The following C14orf132 variants were observed in gnomAD, a reference collection of about 807,000 sequenced individuals.
C14orf132 encodes the protein uncharacterized protein C14orf132.
In C14orf132, 6 loss-of-function variants were observed where a neutral mutation model predicts 5.8. That is an observed-to-expected ratio of 1.03 (90% CI 0.57 to 2.04). The LOEUF (loss-of-function observed/expected upper bound fraction) is 2.04. C14orf132 is among the 30% of genes most tolerant of loss of function. The pLI is 0.00. For synonymous variants in C14orf132, 51 were observed against 49.8 expected, an observed-to-expected ratio of 1.02 and a Z score of -0.10; for missense variants, 125 against 115.8, an observed-to-expected ratio of 1.08 and a Z score of -0.37.
chr14:96,041,218 C>T lies in C14orf132; in HGVS notation c.27+1691C>T, dbSNP rs138318288. 2.5e-4 allele frequency among the ~76,000 whole-genome samples: 38 copies of T among 151,880 alleles called. No individual in the cohort carries two copies. In the East Asian group the frequency reaches 3.5e-3, roughly 14 times the overall value. On this transcript the variant is annotated intron_variant, in intron 1 of 1. Coordinates refer to ENST00000555004, the MANE Select transcript of C14orf132 (RefSeq NM_001252507.3). ...GAAGTACCACACATATGAGAACAGA[C>T]GCTAAGGTTTGTTGAGCACCTACTA...
chr14:96,040,315 C>T, intron 1 of C14orf132: 1 of 398,614 alleles, frequency 2.5e-6, no homozygotes, highest in Non-Finnish European at 4.4e-6. Flanking sequence ...GTCTGTGACC[C>T]TAGAGAAGAC....
intron 1 of C14orf132, among the ~76,000 whole-genome samples, chr14:96,051,665 C>A (rs535754381): frequency 6.6e-6 from 1 of 152,176 alleles, no homozygotes; most frequent in Non-Finnish European, 1.5e-5. Context: ...TCTTAGCAGC[C>A]CTTCCTGCAT....
chr14:96,049,653 T>TATACGTATATATATATAGAG (rs371381526), intron 1 of C14orf132, among the ~76,000 whole-genome samples: 4 of 82,278 alleles, frequency 4.9e-5, no homozygotes, highest in African/African-American at 1.8e-4. Flanking sequence ...TATATATATA[T>TATACGTATATATATATAGAG]AGAGAGAGAG....
At position 96,093,831 on chromosome 14, in the gene C14orf132, T is replaced by C. The variant is rs1271761623; in HGVS notation, c.*7096T>C. On this transcript the variant is annotated 3_prime_UTR_variant, in exon 2 of 2. Transcript: ENST00000555004. ...TCTGTGAAATCTCACTTTGTTAGCG[T>C]TGCTGCTGTTGTCATTTTCTATTAT... 2 of 152,222 alleles carry C rather than the reference T, an allele frequency of 1.3e-5. No individual in the cohort carries two copies. Among genetic ancestry groups the C allele is most frequent in the Non-Finnish European group, 1.5e-5 (1 of 68,046 alleles). 9.4% of individuals were successfully genotyped at this position (152,222 alleles called of 1,614,324 possible). A position where few individuals can be genotyped will look rare whatever the true frequency, so the allele number is the denominator to read the frequency against.
rs1165711183 is a variant in C14orf132 at position 96,087,050 on chromosome 14, A to T, written c.*315A>T. ...GATGAGACAGCTAGTTAAGTTTAAA[A>T]CATAGACATGATTTGATGATCGCTT... On this transcript the variant is annotated 3_prime_UTR_variant, in exon 2 of 2. Coordinates refer to ENST00000555004, the MANE Select transcript of C14orf132 (RefSeq NM_001252507.3). 2.6e-6 allele frequency: 1 copy of T among 392,040 alleles called. No homozygotes were observed. The allele number at this position is 392,040 out of a possible 1,614,324, so 24.3% of individuals were successfully genotyped here. A position where few individuals can be genotyped will look rare whatever the true frequency, so the allele number is the denominator to read the frequency against.
chr14:96,075,361 A>G (rs145449983), intron 1 of C14orf132, among the ~76,000 whole-genome samples: 3 of 152,130 alleles, frequency 2.0e-5, no homozygotes, highest in African/African-American at 7.2e-5. Flanking sequence ...AGATAGTTTT[A>G]TGTCTTCTTT....
intron 1 of C14orf132, among the ~76,000 whole-genome samples, chr14:96,080,460 C>T (rs991412196): frequency 1.3e-5 from 2 of 152,186 alleles, no homozygotes; most frequent in African/African-American, 4.8e-5. Flanking sequence ...TCTGGTGGCC[C>T]CCGTATCACA....
intron 1 of C14orf132, among the ~76,000 whole-genome samples, chr14:96,050,813 C>T (rs558654681): frequency 3.9e-5 from 6 of 152,114 alleles, no homozygotes; most frequent in East Asian, 3.9e-4. Flanking sequence ...GTCTGATGTC[C>T]GGTGTCTTGA....
At position 96,090,120 on chromosome 14, in the gene C14orf132, G is replaced by T. The variant is rs981441687; in HGVS notation, c.*3385G>T. The T allele has an allele frequency of 1.9e-5, 3 of 156,398 alleles. No individual in the cohort carries two copies. Among genetic ancestry groups the T allele is most frequent in the African/African-American group, 4.8e-5 (2 of 41,442 alleles). The allele number at this position is 156,398 out of a possible 1,614,324, so 9.7% of individuals were successfully genotyped here. A position where few individuals can be genotyped will look rare whatever the true frequency, so the allele number is the denominator to read the frequency against. On this transcript the variant is annotated 3_prime_UTR_variant, in exon 2 of 2. Coordinates refer to ENST00000555004, the MANE Select transcript of C14orf132 (RefSeq NM_001252507.3). ...TAGGTGATTCAAAAGAGCAACTTAG[G>T]CTGGGTGCAGTGACTCACACCCGTA...
chr14:96,074,088 T>G (rs564675664), intron 1 of C14orf132, among the ~76,000 whole-genome samples: 1 of 152,328 alleles, frequency 6.6e-6, no homozygotes, highest in South Asian at 2.1e-4. Context: ...GCTTAATACC[T>G]AGGTGATGGG....
At chr14:96,044,198 C>T (rs774724988) in intron 1 of C14orf132, among the ~76,000 whole-genome samples, 2 of 152,150 alleles carry the variant, frequency 1.3e-5, no homozygotes, top group Non-Finnish European at 2.9e-5. Flanking sequence ...TTTTGAGACA[C>T]GGTCTTGTTC....
chr14:96,071,744 C>T (rs763846336), intron 1 of C14orf132, among the ~76,000 whole-genome samples: 3 of 152,216 alleles, frequency 2.0e-5, no homozygotes, highest in Non-Finnish European at 2.9e-5. Flanking sequence ...TGAGTGAAAG[C>T]CCCAGATGTC....
Position 96,089,059 on chromosome 14 carries a change from G to C in C14orf132, c.*2324G>C, listed in dbSNP as rs1391209023. 1 of 152,298 alleles carries C rather than the reference G, an allele frequency of 6.6e-6. No individual in the cohort carries two copies. Among genetic ancestry groups the C allele is most frequent in the East Asian group, 1.9e-4 (1 of 5,196 alleles). 9.4% of individuals were successfully genotyped at this position (152,298 alleles called of 1,614,324 possible). A position where few individuals can be genotyped will look rare whatever the true frequency, so the allele number is the denominator to read the frequency against. On this transcript the variant is annotated 3_prime_UTR_variant, in exon 2 of 2. Coordinates refer to ENST00000555004, the MANE Select transcript of C14orf132 (RefSeq NM_001252507.3). ...TGCAGATTACAGTGACTTCCTCGGG[G>C]TTGCCCCATCTTGGTCTCCTGTGGT...
In C14orf132 at chr14:96,090,723, A is replaced by G; in HGVS notation, c.*3988A>G. On this transcript the variant is annotated 3_prime_UTR_variant, in exon 2 of 2. Transcript: ENST00000555004. ...AAAGGATGGGAGGAGGGGCAGCAGC[A>G]TTTCGCTGGAAAGGCAGCAGATGCT... is the stretch of plus-strand genomic sequence containing the variant. 2.2e-6 allele frequency: 1 copy of G among 456,066 alleles called. No homozygotes were observed. The highest frequency in any genetic ancestry group is 4.4e-6 in the Non-Finnish European group (1 of 226,796). The allele number at this position is 456,066 out of a possible 1,614,324, so 28.3% of individuals were successfully genotyped here. A position where few individuals can be genotyped will look rare whatever the true frequency, so the allele number is the denominator to read the frequency against.
chr14:96,043,624 C>A (rs1303955791), intron 1 of C14orf132, among the ~76,000 whole-genome samples: 1 of 152,124 alleles, frequency 6.6e-6, no homozygotes, highest in Non-Finnish European at 1.5e-5. Context: ...GAGCCAGGCA[C>A]CAGCACTTTC....
rs1197066210 is a variant in C14orf132 at position 96,091,832 on chromosome 14, C to T, written c.*5097C>T. The T allele has an allele frequency of 1.2e-4, 18 of 152,098 alleles. No individual in the cohort carries two copies. Among genetic ancestry groups the T allele is most frequent in the Admixed American group, 9.8e-4 (15 of 15,268 alleles). The allele number at this position is 152,098 out of a possible 1,614,324, so 9.4% of individuals were successfully genotyped here. A position where few individuals can be genotyped will look rare whatever the true frequency, so the allele number is the denominator to read the frequency against. ...TACTGAGAACCCAGAGGACAGAGCC[C>T]ACAGCTTCCAAGCAGGAAAAGGGAC... On this transcript the variant is annotated 3_prime_UTR_variant, in exon 2 of 2. Transcript: ENST00000555004.
rs368825621 is a variant in C14orf132 at position 96,087,619 on chromosome 14, G to A, written c.*884G>A. ...TGTGGAGGAGTCGGAACAGAAAGATGTGTCCTCACTCTCAGCTCACTGAGC... is the reference window on the plus strand; with the variant it reads ...TGTGGAGGAGTCGGAACAGAAAGATATGTCCTCACTCTCAGCTCACTGAGC... On this transcript the variant is annotated 3_prime_UTR_variant, in exon 2 of 2. Coordinates refer to ENST00000555004, the MANE Select transcript of C14orf132 (RefSeq NM_001252507.3). 2 of 152,302 alleles carry A rather than the reference G, an allele frequency of 1.3e-5. No homozygotes were observed. The highest frequency in any genetic ancestry group is 1.9e-4 in the East Asian group (1 of 5,186). The allele number at this position is 152,302 out of a possible 1,614,324, so 9.4% of individuals were successfully genotyped here.
intron 1 of C14orf132, among the ~76,000 whole-genome samples, chr14:96,084,177 G>A (rs959407981): frequency 1.3e-5 from 2 of 152,242 alleles, no homozygotes; most frequent in African/African-American, 4.8e-5. Context: ...GGAGACATCT[G>A]TCTGAGCAGC....
intron 1 of C14orf132, among the ~76,000 whole-genome samples, chr14:96,058,573 A>G (rs2139655879): frequency 6.6e-6 from 1 of 152,254 alleles, no homozygotes. Context: ...AATTGAAGTT[A>G]ACATTGTGGC....
Sources: allele counts gnomAD v4.1 joint callset (sites outside exome capture counted in the v4.1 genomes callset), GRCh38; gene constraint gnomAD v4.1.1; transcripts MANE v1.5; gene names NCBI Gene and HGNC (gene_info 2026-07-23, HGNC 2026-07-21).